CNBD1: variants seen among roughly 807,000 people sequenced by gnomAD.
CNBD1 encodes the protein cyclic nucleotide binding domain containing 1, also known as cyclic nucleotide-binding domain-containing protein 1.
In CNBD1, 71 loss-of-function variants were observed where a neutral mutation model predicts 54.4. That is an observed-to-expected ratio of 1.30 (90% CI 1.08 to 1.59). CNBD1 has a LOEUF of 1.59. Among genes scored for constraint, CNBD1 ranks in the 40% most tolerant of loss-of-function variants. CNBD1 has a pLI of 0.00. For missense variants in CNBD1, 659 were observed against 518.0 expected (o/e 1.27, Z -2.64); for synonymous variants, 182 against 170.7 (o/e 1.07, Z -0.51).
chr8:87,197,440 G>A (rs1813746325), intron 4 of CNBD1, among the ~76,000 whole-genome samples: 1 of 152,176 alleles, frequency 6.6e-6, no homozygotes, highest in African/African-American at 2.4e-5. Flanking sequence ...TTTCAGAGTT[G>A]CAGAGTTGCT....
chr8:87,388,946 A>C (rs1421361399), intron 2 of CNBD1, among the ~76,000 whole-genome samples: 1 of 152,228 alleles, frequency 6.6e-6, no homozygotes, highest in South Asian at 2.1e-4. Flanking sequence ...CTGATTCAAC[A>C]TATGCAAATC....
At chr8:87,358,755 A>T (rs1810470782) in intron 10 of CNBD1, among the ~76,000 whole-genome samples, 1 of 152,150 alleles carries the variant, frequency 6.6e-6, no homozygotes, top group Non-Finnish European at 1.5e-5. Context: ...TGTAACTCCC[A>T]GTGTGAGGCC....
intron 8 of CNBD1, among the ~76,000 whole-genome samples, chr8:87,302,732 A>C (rs1490070465): frequency 6.6e-6 from 1 of 151,954 alleles, no homozygotes; most frequent in Non-Finnish European, 1.5e-5. Flanking sequence ...TATATTTAGA[A>C]AACCCCATCA....
At chr8:87,133,632 T>C (rs566928182) in intron 4 of CNBD1, among the ~76,000 whole-genome samples, 2 of 152,236 alleles carry the variant, frequency 1.3e-5, no homozygotes, top group Non-Finnish European at 2.9e-5. Flanking sequence ...GGTGGGGTGC[T>C]TGCACTGATT....
chr8:87,381,475 C>T (rs1157370362), intron 10 of CNBD1, among the ~76,000 whole-genome samples: 3 of 151,518 alleles, frequency 2.0e-5, no homozygotes, highest in Non-Finnish European at 4.4e-5. Context: ...AATGGAAGTC[C>T]CTTAAACAAT....
At chr8:87,154,604 A>G (rs1397250702) in intron 4 of CNBD1, among the ~76,000 whole-genome samples, 2 of 152,250 alleles carry the variant, frequency 1.3e-5, no homozygotes, top group Admixed American at 6.5e-5. Context: ...ATCTGAAAAT[A>G]TCCACAGTGG....
chr8:87,298,519 C>T (rs976497648), intron 8 of CNBD1, among the ~76,000 whole-genome samples: 1 of 145,348 alleles, frequency 6.9e-6, no homozygotes, highest in Non-Finnish European at 1.5e-5. Flanking sequence ...GAGCCTCTCA[C>T]TGTCGCCCAG....
chr8:87,225,404 A>G (rs1318323354), intron 5 of CNBD1, among the ~76,000 whole-genome samples: 1 of 152,000 alleles, frequency 6.6e-6, no homozygotes, highest in Non-Finnish European at 1.5e-5. Flanking sequence ...ATTATTTTGA[A>G]ATATGTCCCA....
chr8:87,256,238 G>C (rs1460579044), intron 6 of CNBD1, among the ~76,000 whole-genome samples: 3 of 150,862 alleles, frequency 2.0e-5, no homozygotes, highest in African/African-American at 7.3e-5. Flanking sequence ...GGCCAGGGTG[G>C]TCTTGAGCTC....
chr8:86,928,318 G>C (rs576835952), intron 3 of CNBD1, among the ~76,000 whole-genome samples: 86 of 152,282 alleles, frequency 5.6e-4, no homozygotes, highest in African/African-American at 2.0e-3. Flanking sequence ...TCTCGACAAG[G>C]CCATGGGCAA....
At chr8:87,250,087 TA>T (rs1807883162) in intron 6 of CNBD1, among the ~76,000 whole-genome samples, 2 of 152,264 alleles carry the variant, frequency 1.3e-5, no homozygotes, top group South Asian at 4.1e-4. Context: ...TAAAAGGGAT[TA>T]ATAACCAGAA....
At chr8:87,348,219 CTTATCT>C (rs896602961) in intron 8 of CNBD1, among the ~76,000 whole-genome samples, 1 of 152,078 alleles carries the variant, frequency 6.6e-6, no homozygotes, top group African/African-American at 2.4e-5. Context: ...CTCAGATGCA[CTTATCT>C]TTAAGAATTT....
At chr8:87,412,661 T>G (rs1807767755) in intron 2 of CNBD1, among the ~76,000 whole-genome samples, 1 of 152,104 alleles carries the variant, frequency 6.6e-6, no homozygotes, top group African/African-American at 2.4e-5. Flanking sequence ...GACAGGTGTC[T>G]CAATTGATAG....
At chr8:87,344,950 G>C (rs2130922628) in intron 8 of CNBD1, among the ~76,000 whole-genome samples, 1 of 152,242 alleles carries the variant, frequency 6.6e-6, no homozygotes, top group Admixed American at 6.5e-5. Context: ...GACTAAATAT[G>C]ATTACAGAAA....
At chr8:86,910,550 G>A (rs193005124) in intron 3 of CNBD1, among the ~76,000 whole-genome samples, 9 of 152,288 alleles carry the variant, frequency 5.9e-5, no homozygotes, top group Admixed American at 5.9e-4. Context: ...GCTTTCCTAG[G>A]TGTAAGATAA....
At chr8:87,143,799 T>C (rs1187444507) in intron 4 of CNBD1, among the ~76,000 whole-genome samples, 1 of 152,198 alleles carries the variant, frequency 6.6e-6, no homozygotes, top group Non-Finnish European at 1.5e-5. Flanking sequence ...GAGTTCACTG[T>C]CTTGTTTGTT....
chr8:86,878,744 A>G (rs1211528784), intron 1 of CNBD1, among the ~76,000 whole-genome samples: 1 of 152,182 alleles, frequency 6.6e-6, no homozygotes, highest in African/African-American at 2.4e-5. Context: ...CTTCCCCTGG[A>G]GAACTCTTCC....
intron 4 of CNBD1, among the ~76,000 whole-genome samples, chr8:87,067,325 C>T (rs1216120623): frequency 6.6e-6 from 1 of 151,966 alleles, no homozygotes; most frequent in Non-Finnish European, 1.5e-5. Flanking sequence ...CTTAAAAATG[C>T]AGTTCCACCC....
chr8:87,236,919 T>G lies in CNBD1; in HGVS notation c.578T>G (p.Val193Gly). ...TATTTTTTGGCTTTGTTTTTTTCAGTGGTTGCAAATGATGGATTTTATGTA... is the reference window on the plus strand; with the variant it reads ...TATTTTTTGGCTTTGTTTTTTTCAGGGGTTGCAAATGATGGATTTTATGTA... ...FSETWLKGST[V>G]VANDGFYVIL... The change falls in exon 6 of 11, where the codon GTG becomes GGG. Residue 193 changes from valine (V) to glycine (G), a missense_variant and splice_region_variant. Physicochemically the swap from Val to Gly is moderately radical, Grantham distance 109. Transcript: ENST00000518476. The G allele has an allele frequency of 6.3e-7, 1 of 1,582,450 alleles. No homozygotes were observed. The highest frequency in any genetic ancestry group is 8.6e-7 in the Non-Finnish European group (1 of 1,162,856).
Sources: gnomAD v4.1 joint callset for allele counts (sites outside exome capture counted in the v4.1 genomes callset) on GRCh38, gnomAD v4.1.1 for gene constraint, MANE v1.5 for transcripts, NCBI Gene and HGNC (gene_info 2026-07-23, HGNC 2026-07-21) for gene names.